PCDH15: variants seen among roughly 807,000 people sequenced by gnomAD.
The protein encoded by PCDH15 is protocadherin-15.
Under a neutral mutation model 178.5 loss-of-function variants are expected in PCDH15, and 129 were observed. The observed-to-expected ratio is 0.72, with a 90% CI of 0.63 to 0.84. The LOEUF (loss-of-function observed/expected upper bound fraction) is 0.84, where lower values mean the gene tolerates loss of function less well. Among genes scored for constraint, PCDH15 ranks in the 40% least tolerant of loss-of-function variants. The pLI is 0.00. For synonymous variants in PCDH15, 800 were observed against 732.0 expected, an observed-to-expected ratio of 1.09 and a Z score of -1.50; for missense variants, 2,230 against 2,099.9, an observed-to-expected ratio of 1.06 and a Z score of -1.21.
intron 1 of PCDH15, among the ~76,000 whole-genome samples, chr10:55,197,187 A>G (rs889649076): frequency 2.6e-5 from 4 of 152,072 alleles, no homozygotes; most frequent in African/African-American, 4.8e-5. Flanking sequence ...ATTTTCAAAA[A>G]GATATTAAGA....
intron 3 of PCDH15, among the ~76,000 whole-genome samples, chr10:54,439,246 T>C (rs2075640574): frequency 6.6e-6 from 1 of 151,886 alleles, no homozygotes; most frequent in Non-Finnish European, 1.5e-5. Context: ...CTAAATAAAC[T>C]TAAAGTTTAA....
chr10:54,920,484 A>T (rs1486076343), intron 2 of PCDH15, among the ~76,000 whole-genome samples: 1 of 151,460 alleles, frequency 6.6e-6, no homozygotes, highest in East Asian at 1.9e-4. Flanking sequence ...AAAAAAAAAA[A>T]AAAAAAAAAA....
chr10:53,855,899 G>T (rs1267095904), intron 28 of PCDH15, among the ~76,000 whole-genome samples: 1 of 77,850 alleles, frequency 1.3e-5, no homozygotes, highest in African/African-American at 7.4e-5. Flanking sequence ...AAAAAAAGGT[G>T]ATATGTATAT....
At chr10:54,382,547 T>C (rs1360992680) in intron 3 of PCDH15, among the ~76,000 whole-genome samples, 3 of 152,168 alleles carry the variant, frequency 2.0e-5, no homozygotes, top group Non-Finnish European at 4.4e-5. Flanking sequence ...GAAAAGTCTA[T>C]GTTTCTATTT....
intron 2 of PCDH15, among the ~76,000 whole-genome samples, chr10:55,362,272 T>C (rs888823193): frequency 2.0e-5 from 3 of 152,172 alleles, no homozygotes; most frequent in Non-Finnish European, 4.4e-5. Flanking sequence ...TTTTTTATTT[T>C]GCAGAATTTC....
intron 23 of PCDH15, among the ~76,000 whole-genome samples, chr10:53,950,640 T>A (rs1375850654): frequency 6.6e-6 from 1 of 152,176 alleles, no homozygotes; most frequent in African/African-American, 2.4e-5. Context: ...ACAAGTGAAT[T>A]TCAGTGTGTA....
chr10:54,000,272 CACAG>C (rs1288020301), intron 20 of PCDH15, among the ~76,000 whole-genome samples: 2 of 152,122 alleles, frequency 1.3e-5, no homozygotes, highest in Non-Finnish European at 2.9e-5. Context: ...AATGCCCAGA[CACAG>C]ACAAACATCC....
intron 2 of PCDH15, among the ~76,000 whole-genome samples, chr10:54,559,946 C>T (rs774876924): frequency 1.3e-5 from 2 of 149,778 alleles, no homozygotes; most frequent in African/African-American, 2.4e-5. Context: ...TGTTACTCTA[C>T]ACAATAATAC....
chr10:54,444,681 A>G (rs1478726929), intron 3 of PCDH15, among the ~76,000 whole-genome samples: 2 of 151,624 alleles, frequency 1.3e-5, no homozygotes, highest in Admixed American at 6.6e-5. Context: ...ATTGCTCTAA[A>G]TTACTTATAG....
At chr10:55,394,831 A>G (rs1399835370) in intron 2 of PCDH15, among the ~76,000 whole-genome samples, 1 of 152,124 alleles carries the variant, frequency 6.6e-6, no homozygotes, top group Non-Finnish European at 1.5e-5. Context: ...TTGTCTCTAT[A>G]CATGTGCTCA....
At position 54,622,645 on chromosome 10, in the gene PCDH15, ATATATATAC is replaced by A. The variant is rs1181674009; in HGVS notation, c.91+41518_91+41526del. On this transcript the variant is annotated intron_variant, in intron 2 of 37. Coordinates refer to ENST00000644397, the MANE Select transcript of PCDH15 (RefSeq NM_001384140.1). ...TATATATAATATATATTATATAATT[ATATATATAC>A]TATATAATATATATTATATATAATA... 8.6e-3 allele frequency among the ~76,000 whole-genome samples: 913 copies of A among 105,976 alleles called. 27 individuals carry two copies. Among genetic ancestry groups the A allele is most frequent in the African/African-American group, 0.035 (860 of 24,726 alleles). The allele number at this position is 105,976 out of a possible 152,430, so 69.5% of individuals were successfully genotyped here.
rs188372001 is a variant in PCDH15, at chr10:55,128,642, C to T, written c.-80+37934G>A. On this transcript the variant is annotated intron_variant, in intron 2 of 5. Coordinates refer to the PCDH15 transcript ENST00000458638. ...GGGCAAATCTCCTGACTGTCATACA[C>T]TTATTCAGAAATTTTCCTTGCCTCA... Among the ~76,000 whole-genome samples the T allele has an allele frequency of 3.9e-5, 6 of 152,174 alleles. No individual in the cohort carries two copies. In the East Asian group the frequency reaches 1.2e-3, roughly 29 times the overall value.
intron 3 of PCDH15, among the ~76,000 whole-genome samples, chr10:54,826,308 C>A (rs1343527428): frequency 6.6e-6 from 1 of 151,742 alleles, no homozygotes. Flanking sequence ...TGTGGAAATT[C>A]TTCCTGACAT....
intron 2 of PCDH15, among the ~76,000 whole-genome samples, chr10:55,508,811 G>A (rs1004974934): frequency 6.6e-6 from 1 of 151,610 alleles, no homozygotes; most frequent in Admixed American, 6.6e-5. Flanking sequence ...AAGAAATCAG[G>A]TAAAGTGAGA....
chr10:55,241,060 C>CA (rs1300728377), intron 1 of PCDH15, among the ~76,000 whole-genome samples: 1 of 151,980 alleles, frequency 6.6e-6, no homozygotes, highest in Non-Finnish European at 1.5e-5. Context: ...ATTAAAAATA[C>CA]AAAAAATTAG....
intron 2 of PCDH15, among the ~76,000 whole-genome samples, chr10:55,428,655 CT>C (rs976082147): frequency 4.6e-5 from 7 of 151,756 alleles, no homozygotes; most frequent in Non-Finnish European, 1.0e-4. Context: ...TTAGGGCTTA[CT>C]TTTTTATTCA....
intron 2 of PCDH15, among the ~76,000 whole-genome samples, chr10:55,127,976 A>G (rs1388575917): frequency 2.0e-5 from 3 of 152,052 alleles, no homozygotes; most frequent in African/African-American, 7.2e-5. Context: ...TGTGAAATCT[A>G]TAAAAAGCAA....
intron 6 of PCDH15, among the ~76,000 whole-genome samples, chr10:54,335,717 A>T (rs1588890957): frequency 6.6e-6 from 1 of 152,044 alleles, no homozygotes; most frequent in South Asian, 2.1e-4. Context: ...CTTTTTCTTT[A>T]TACATTACCC....
chr10:53,894,148 T>A (rs1402497633), intron 26 of PCDH15, among the ~76,000 whole-genome samples: 1 of 152,200 alleles, frequency 6.6e-6, no homozygotes, highest in Non-Finnish European at 1.5e-5. Flanking sequence ...AAACATAATG[T>A]CTGCTTAGAT....
Sources: allele counts gnomAD v4.1 joint callset (sites outside exome capture counted in the v4.1 genomes callset), GRCh38; gene constraint gnomAD v4.1.1; transcripts MANE v1.5; gene names NCBI Gene and HGNC (gene_info 2026-07-23, HGNC 2026-07-21).